Variants in XRCC4 observed in about 807,000 individuals in gnomAD.
XRCC4 encodes DNA repair protein XRCC4.
XRCC4 carries 28 observed loss-of-function variants against 39.1 expected under a neutral mutation model. That is an observed-to-expected ratio of 0.72 (90% CI 0.53 to 0.98). XRCC4 has a LOEUF of 0.98. Ranked by LOEUF, XRCC4 falls within the 50% of genes least tolerant of loss-of-function variation. The pLI, the probability that XRCC4 is intolerant of heterozygous loss-of-function variation, is 0.00. For synonymous variants in XRCC4, 123 were observed against 126.4 expected (o/e 0.97, Z 0.18); for missense variants, 350 against 376.4 (o/e 0.93, Z 0.58).
intron 7 of XRCC4, among the ~76,000 whole-genome samples, chr5:83,296,801 A>G (rs1312140383): frequency 6.6e-6 from 1 of 152,000 alleles, no homozygotes; most frequent in African/African-American, 2.4e-5. Context: ...AGAAAAAAGT[A>G]ACAGAGATTA....
chr5:83,207,995 A>T (rs181818147), intron 6 of XRCC4, among the ~76,000 whole-genome samples: 192 of 152,206 alleles, frequency 1.3e-3, no homozygotes, highest in Admixed American at 3.1e-3. Flanking sequence ...ATGGGGATTA[A>T]TACATTTATT....
At chr5:83,166,443 T>C (rs1015253123) in intron 3 of XRCC4, among the ~76,000 whole-genome samples, 5 of 150,286 alleles carry the variant, frequency 3.3e-5, no homozygotes, top group African/African-American at 4.9e-5. Flanking sequence ...ACCAACAGTA[T>C]ATAAGTGTTC....
At chr5:83,118,059 C>T (rs1004782902) in intron 3 of XRCC4, among the ~76,000 whole-genome samples, 1 of 111,802 alleles carries the variant, frequency 8.9e-6, no homozygotes. Context: ...CACACACACA[C>T]ACACACACAC....
chr5:83,179,518 G>A (rs373020069), intron 3 of XRCC4, among the ~76,000 whole-genome samples: 33 of 152,246 alleles, frequency 2.2e-4, no homozygotes, highest in East Asian at 1.2e-3. Flanking sequence ...GTAAACAGTC[G>A]TTAGTTTTCC....
At chr5:83,188,988 A>C (rs1445639840) in intron 3 of XRCC4, among the ~76,000 whole-genome samples, 2 of 152,166 alleles carry the variant, frequency 1.3e-5, no homozygotes, top group African/African-American at 4.8e-5. Flanking sequence ...AGCACCTAAT[A>C]CCAAAAATAA....
At chr5:83,090,635 C>G (rs62372713) in intron 1 of XRCC4, among the ~76,000 whole-genome samples, 50,026 of 151,910 alleles carry the variant, frequency 0.33, 9,165 homozygotes, top group Non-Finnish European at 0.42. Flanking sequence ...AAATCCCAGC[C>G]TACTAATCAC....
chr5:83,116,849 T>G (rs1746748808), intron 3 of XRCC4, among the ~76,000 whole-genome samples: 1 of 152,164 alleles, frequency 6.6e-6, no homozygotes, highest in African/African-American at 2.4e-5. Flanking sequence ...CTCGAACTCC[T>G]GACCTCAAGT....
At position 83,346,539 on chromosome 5, in the gene XRCC4, A is replaced by G. The variant is rs185234376; in HGVS notation, c.894-6592A>G. 4.8e-4 allele frequency among the ~76,000 whole-genome samples: 73 copies of G among 152,328 alleles called. 1 individual carries two copies. The highest frequency in any genetic ancestry group is 2.1e-3 in the South Asian group (10 of 4,834). On this transcript the variant is annotated intron_variant, in intron 7 of 7. Transcript: ENST00000396027. ...TTTAGGTGTTACCTTCAAGCTATTTATAACATTTTTAAGATAAAAAGACAC... is the reference window on the plus strand; with the variant it reads ...TTTAGGTGTTACCTTCAAGCTATTTGTAACATTTTTAAGATAAAAAGACAC...
intron 3 of XRCC4, among the ~76,000 whole-genome samples, chr5:83,163,536 T>C (rs906253072): frequency 6.6e-6 from 1 of 152,160 alleles, no homozygotes; most frequent in Non-Finnish European, 1.5e-5. Flanking sequence ...GCATTAAAAT[T>C]TAGATAAATT....
intron 3 of XRCC4, among the ~76,000 whole-genome samples, chr5:83,177,327 G>A (rs1367404071): frequency 6.6e-6 from 1 of 152,058 alleles, no homozygotes; most frequent in Non-Finnish European, 1.5e-5. Context: ...TTTAGCATAA[G>A]CCTTAATTTT....
chr5:83,217,385 G>A (rs969136239), intron 6 of XRCC4, among the ~76,000 whole-genome samples: 16 of 142,834 alleles, frequency 1.1e-4, no homozygotes, highest in African/African-American at 4.4e-4. Context: ...AAACCATTGC[G>A]ATAATTTGAG....
chr5:83,348,574 T>C (rs1403178310), intron 7 of XRCC4, among the ~76,000 whole-genome samples: 4 of 152,232 alleles, frequency 2.6e-5, no homozygotes, highest in Non-Finnish European at 4.4e-5. Context: ...GCCCTTGGGC[T>C]GGCCCACAAA....
chr5:83,320,354 TAATAAAA>T (rs1047206688), intron 7 of XRCC4, among the ~76,000 whole-genome samples: 17 of 124,472 alleles, frequency 1.4e-4, no homozygotes, highest in Middle Eastern at 4.0e-3. Flanking sequence ...ACTTAAAGTA[TAATAAAA>T]AATAAAAAAT....
At position 83,111,071 on chromosome 5, in the gene XRCC4, G is replaced by T; in HGVS notation, c.183G>T (p.Met61Ile). 6.2e-7 allele frequency: 1 copy of T among 1,611,322 alleles called. No individual in the cohort carries two copies. The highest frequency in any genetic ancestry group is 1.7e-5 in the Admixed American group (1 of 59,552). Residue 61 changes from methionine to isoleucine, a missense_variant, in exon 3 of 8, where the codon ATG becomes ATT. By Grantham distance (10) the Met-to-Ile change is conservative. Coordinates refer to ENST00000396027, the MANE Select transcript of XRCC4 (RefSeq NM_003401.5). ...CCCAAGAAGCTGATGACATGGCAATGGAAAAAGGGAAATATGTTGGTGAAC... is the reference window on the plus strand; with the variant it reads ...CCCAAGAAGCTGATGACATGGCAATTGAAAAAGGGAAATATGTTGGTGAAC... ...EISQEADDMA[M>I]EKGKYVGELR... is the part of the protein sequence containing the mutation.
intron 3 of XRCC4, among the ~76,000 whole-genome samples, chr5:83,111,948 G>A (rs1580233890): frequency 1.3e-5 from 2 of 152,078 alleles, no homozygotes; most frequent in African/African-American, 4.8e-5. Context: ...TAACAGAAAT[G>A]TATTGAGAAT....
chr5:83,224,831 A>AC (rs1752228387), intron 6 of XRCC4, among the ~76,000 whole-genome samples: 1 of 152,170 alleles, frequency 6.6e-6, no homozygotes, highest in Non-Finnish European at 1.5e-5. Context: ...CTTTAAAAAA[A>AC]ACTTTCTGTC....
intron 3 of XRCC4, among the ~76,000 whole-genome samples, chr5:83,135,779 A>G (rs765013594): frequency 6.6e-5 from 10 of 151,940 alleles, no homozygotes; most frequent in Non-Finnish European, 1.0e-4. Flanking sequence ...ATATATTTCA[A>G]GTTTTGTTTA....
chr5:83,287,588 C>T (rs1448222313), intron 7 of XRCC4, among the ~76,000 whole-genome samples: 1 of 151,738 alleles, frequency 6.6e-6, no homozygotes, highest in Non-Finnish European at 1.5e-5. Flanking sequence ...GATACATTTC[C>T]ATCCATATAA....
intron 3 of XRCC4, among the ~76,000 whole-genome samples, chr5:83,140,303 G>A (rs1028024817): frequency 9.9e-5 from 15 of 152,152 alleles, no homozygotes; most frequent in African/African-American, 2.4e-4. Context: ...GAGATCCCCC[G>A]CAAACCACCG....
Sources: allele counts gnomAD v4.1 joint callset (sites outside exome capture counted in the v4.1 genomes callset), GRCh38; gene constraint gnomAD v4.1.1; transcripts MANE v1.5; gene names NCBI Gene and HGNC (gene_info 2026-07-23, HGNC 2026-07-21).